The following MTHFD2 variants were observed in gnomAD, a reference collection of about 807,000 sequenced individuals.
MTHFD2 encodes the protein methylenetetrahydrofolate dehydrogenase (NADP+ dependent) 2, methenyltetrahydrofolate cyclohydrolase.
In MTHFD2, 26 loss-of-function variants were observed where a neutral mutation model predicts 36.8. That is an observed-to-expected ratio of 0.71 (90% CI 0.52 to 0.98). MTHFD2 has a LOEUF of 0.98. MTHFD2 is among the 50% of genes least tolerant of loss of function. The pLI is 0.00. For missense variants in MTHFD2, 373 were observed against 434.0 expected, an observed-to-expected ratio of 0.86 and a Z score of 1.25; for synonymous variants, 164 against 155.2, an observed-to-expected ratio of 1.06 and a Z score of -0.42.
Position 74,216,945 on chromosome 2 carries a change from A to C in MTHFD2, c.*2703A>C, listed in dbSNP as rs1346074315. ...TTAAGCATAGGAGATGGTTCTGGAA[A>C]TTCTAAGAAATTCTGCTCTCAGTAA... On this transcript the variant is annotated 3_prime_UTR_variant, in exon 8 of 8. Coordinates refer to ENST00000394053, the MANE Select transcript of MTHFD2 (RefSeq NM_006636.4). 6.6e-6 allele frequency: 1 copy of C among 152,200 alleles called. No homozygotes were observed. The highest frequency in any genetic ancestry group is 2.4e-5 in the African/African-American group (1 of 41,446). 9.4% of individuals were successfully genotyped at this position (152,200 alleles called of 1,614,324 possible).
rs977119347 is a variant in MTHFD2, at chr2:74,215,028, T to G, written c.*786T>G. On this transcript the variant is annotated 3_prime_UTR_variant, in exon 8 of 8. Coordinates refer to ENST00000394053, the MANE Select transcript of MTHFD2 (RefSeq NM_006636.4). ...TTCATTGTTAAATTTTTGTATTGTA[T>G]AGTTTCTTTGGTGTATCTTAAAACC... 1 of 152,668 alleles carries G rather than the reference T, an allele frequency of 6.6e-6. No individual in the cohort carries two copies. The highest frequency in any genetic ancestry group is 1.5e-5 in the Non-Finnish European group (1 of 68,046). The allele number at this position is 152,668 out of a possible 1,614,324, so 9.5% of individuals were successfully genotyped here.
chr2:74,204,636 C>T lies in MTHFD2; in HGVS notation c.102-1069C>T, dbSNP rs1694136398. Reference sequence around the variant, plus strand: ...CTAGAGATTGTTGCCCTTGGCGTCACATACTCACTCCTGGTCTGTCAGCTT... The same window carrying T: ...CTAGAGATTGTTGCCCTTGGCGTCATATACTCACTCCTGGTCTGTCAGCTT... On this transcript the variant is annotated intron_variant, in intron 1 of 7. Coordinates refer to ENST00000394053, the MANE Select transcript of MTHFD2 (RefSeq NM_006636.4). Among the ~76,000 whole-genome samples, 3 of 152,216 alleles carry T rather than the reference C, an allele frequency of 2.0e-5. No homozygotes were observed. The South Asian group carries it at 6.2e-4, about 31-fold the overall frequency.
At position 74,211,183 on chromosome 2, in the gene MTHFD2, AT is replaced by A; in HGVS notation, c.671-9del. 3.2e-6 allele frequency: 5 copies of A among 1,542,528 alleles called. No homozygotes were observed. Among genetic ancestry groups the A allele is most frequent in the East Asian group, 2.3e-5 (1 of 44,384 alleles). ...CTTTGTGTCAGAAATCAAGACATCT[AT>A]TTTTTTCTTTCTAGGTGATGCCACT... is the stretch of plus-strand genomic sequence containing the variant. On this transcript the variant is annotated splice_polypyrimidine_tract_variant and intron_variant, in intron 5 of 7. Coordinates refer to ENST00000394053, the MANE Select transcript of MTHFD2 (RefSeq NM_006636.4).
chr2:74,198,621 G>T lies in MTHFD2; in HGVS notation c.-21G>T. ...GGCCCGCGCGCGCGCTTCCCTCCCG[G>T]CGCAGTCACCGGCGCGGTCTATGGC... On this transcript the variant is annotated 5_prime_UTR_variant, in exon 1 of 8. Transcript: ENST00000394053. 6.3e-7 allele frequency: 1 copy of T among 1,586,432 alleles called. No homozygotes were observed.
chr2:74,214,002 T>A (rs1247279224), intron 7 of MTHFD2, 77 bp from the exon 8 acceptor site: 2 of 1,460,908 alleles, frequency 1.4e-6, no homozygotes, highest in Non-Finnish European at 1.8e-6. Context: ...CCTTGCATGC[T>A]TGTTTAATAA....
chr2:74,198,631 C>A lies in MTHFD2; in HGVS notation c.-11C>A. 1 of 1,595,224 alleles carries A rather than the reference C, an allele frequency of 6.3e-7. No homozygotes were observed. The highest frequency in any genetic ancestry group is 1.7e-5 in the Admixed American group (1 of 58,556). On this transcript the variant is annotated 5_prime_UTR_variant, in exon 1 of 8. Transcript: ENST00000394053. ...CGCGCTTCCCTCCCGGCGCAGTCAC[C>A]GGCGCGGTCTATGGCTGCGACTTCT... is the stretch of plus-strand genomic sequence containing the variant.
chr2:74,214,117 G>C lies in MTHFD2; in HGVS notation c.928G>C (p.Gly310Arg), dbSNP rs751007161. 3.7e-6 allele frequency: 6 copies of C among 1,614,104 alleles called. No homozygotes were observed. The South Asian group carries it at 6.6e-5, about 18-fold the overall frequency. ...QKAGYITPVP[G>R]GVGPMTVAML... Reference sequence around the variant, plus strand: ...AGCTGGGTATATCACTCCAGTTCCTGGAGGTGTTGGCCCCATGACAGTGGC... The same window carrying C: ...AGCTGGGTATATCACTCCAGTTCCTCGAGGTGTTGGCCCCATGACAGTGGC... Residue 310 changes from glycine (G) to arginine (R), a missense_variant, in exon 8 of 8, where the codon GGA (glycine) becomes CGA (arginine). Coordinates refer to ENST00000394053, the MANE Select transcript of MTHFD2 (RefSeq NM_006636.4).
At chr2:74,202,269 T>C (rs116818842) in intron 1 of MTHFD2, among the ~76,000 whole-genome samples, 233 of 152,228 alleles carry the variant, frequency 1.5e-3, no homozygotes, top group African/African-American at 5.4e-3. Context: ...CATATATATA[T>C]AAAACCAAGA....
chr2:74,212,145 C>T (rs1694319078), intron 7 of MTHFD2, among the ~76,000 whole-genome samples: 1 of 144,246 alleles, frequency 6.9e-6, no homozygotes, highest in African/African-American at 2.7e-5. Context: ...ATGCTTTTCC[C>T]TCCCTCTCTC....
chr2:74,209,867 C>T lies in MTHFD2; in HGVS notation c.563-75C>T. On this transcript the variant is annotated intron_variant, in intron 4 of 7. Coordinates refer to ENST00000394053, the MANE Select transcript of MTHFD2 (RefSeq NM_006636.4). ...TTGACTGATGAGGCAAAATTGGGTTCATGTTCTAGGCCATCTGACTTTGTT... is the reference window on the plus strand; with the variant it reads ...TTGACTGATGAGGCAAAATTGGGTTTATGTTCTAGGCCATCTGACTTTGTT... 3.9e-6 allele frequency: 5 copies of T among 1,297,264 alleles called. No homozygotes were observed. In the East Asian group the frequency reaches 1.0e-4, roughly 27 times the overall value. The allele number at this position is 1,297,264 out of a possible 1,614,324, so 80.4% of individuals were successfully genotyped here.
chr2:74,207,928 T>C (rs1411066793), intron 3 of MTHFD2, 102 bp downstream of exon 3: 1 of 1,192,200 alleles, frequency 8.4e-7, no homozygotes, highest in African/African-American at 1.6e-5. Flanking sequence ...CTCCCTCTCC[T>C]TTCCTTGTCT....
chr2:74,209,663 C>T lies in MTHFD2; in HGVS notation c.563-279C>T, dbSNP rs552455754. Among the ~76,000 whole-genome samples the T allele has an allele frequency of 2.6e-5, 4 of 152,182 alleles. No homozygotes were observed. The South Asian group carries it at 6.2e-4, about 24-fold the overall frequency. Reference sequence around the variant, plus strand: ...TCTCCTACCTTAGCCTCCCTGGCCTCAAGCAATCCTCCCTCCTGCTGGGAT... The same window carrying T: ...TCTCCTACCTTAGCCTCCCTGGCCTTAAGCAATCCTCCCTCCTGCTGGGAT... On this transcript the variant is annotated intron_variant, in intron 4 of 7. Transcript: ENST00000394053.
At chr2:74,199,199 G>A (rs1693980166) in intron 1 of MTHFD2, among the ~76,000 whole-genome samples, 2 of 152,214 alleles carry the variant, frequency 1.3e-5, no homozygotes, top group African/African-American at 4.8e-5. Flanking sequence ...AGCGGCGGAG[G>A]GCGCTGCTGC....
At chr2:74,212,263 CTTTTTTTTTT>C (rs398042480) in intron 7 of MTHFD2, among the ~76,000 whole-genome samples, 1 of 35,696 alleles carries the variant, frequency 2.8e-5, no homozygotes, top group African/African-American at 1.4e-4. Flanking sequence ...GTTTCTTTCT[CTTTTTTTTTT>C]TTTTTTTTTT....
rs1197668948 is a variant in MTHFD2 at position 74,207,756 on chromosome 2, G to A, written c.339G>A (p.Leu113=). ...CAGCTTCAATTTCAGAGGAAGAATT[G>A]TTGAATTTAATCAATAAACTGAATA... The part of the protein sequence containing the change: ...MKPASISEEE[L]LNLINKLNND... Residue 113 remains leucine, a synonymous_variant, in exon 3 of 8, where the codon TTG becomes TTA. Coordinates refer to ENST00000394053, the MANE Select transcript of MTHFD2 (RefSeq NM_006636.4). The A allele has an allele frequency of 1.9e-6, 3 of 1,607,048 alleles. No individual in the cohort carries two copies. In the African/African-American group the frequency reaches 4.0e-5, roughly 21 times the overall value.
rs1470293432 is a variant in MTHFD2, at chr2:74,209,933, T to A, written c.563-9T>A. The A allele has an allele frequency of 6.2e-7, 1 of 1,607,770 alleles. No homozygotes were observed. The highest frequency in any genetic ancestry group is 1.7e-5 in the Admixed American group (1 of 59,222). ...ACTACTTTTAATGTCAATACATATATTTTTATAGGCATTCCAACCCTAGGG... is the reference window on the plus strand; with the variant it reads ...ACTACTTTTAATGTCAATACATATAATTTTATAGGCATTCCAACCCTAGGG... On this transcript the variant is annotated splice_polypyrimidine_tract_variant and intron_variant, in intron 4 of 7. Coordinates refer to ENST00000394053, the MANE Select transcript of MTHFD2 (RefSeq NM_006636.4).
Position 74,211,733 on chromosome 2 carries a change from A to G in MTHFD2, c.764-8A>G. 2 of 1,602,414 alleles carry G rather than the reference A, an allele frequency of 1.2e-6. No homozygotes were observed. The highest frequency in any genetic ancestry group is 1.7e-6 in the Non-Finnish European group (2 of 1,174,950). ...TACTAAGTTGATCTTTCCTTTCTCC[A>G]TTTCCAGGTATTCCAAATCTGATCA... On this transcript the variant is annotated splice_polypyrimidine_tract_variant and splice_region_variant and intron_variant, in intron 6 of 7. Coordinates refer to ENST00000394053, the MANE Select transcript of MTHFD2 (RefSeq NM_006636.4).
chr2:74,206,784 C>A (rs1426354016), intron 2 of MTHFD2, among the ~76,000 whole-genome samples: 1 of 152,180 alleles, frequency 6.6e-6, no homozygotes, highest in African/African-American at 2.4e-5. Context: ...TCTCGGCTCT[C>A]CGCAACCTCC....
chr2:74,214,298 A>G lies in MTHFD2; in HGVS notation c.*56A>G. ...TCCAGGCCAGCTCAAGAAGCAAAGC[A>G]GGCCAATAGAAATGCAATATTTTTA... On this transcript the variant is annotated 3_prime_UTR_variant, in exon 8 of 8. Transcript: ENST00000394053. 6.5e-7 allele frequency: 1 copy of G among 1,545,574 alleles called. No individual in the cohort carries two copies. Among genetic ancestry groups the G allele is most frequent in the Non-Finnish European group, 8.8e-7 (1 of 1,139,998 alleles).
Sources: gnomAD v4.1 joint callset for allele counts (sites outside exome capture counted in the v4.1 genomes callset) on GRCh38, gnomAD v4.1.1 for gene constraint, MANE v1.5 for transcripts, NCBI Gene and HGNC (gene_info 2026-07-23, HGNC 2026-07-21) for gene names.